The following ATF6 variants were observed in gnomAD, a reference collection of about 807,000 sequenced individuals.
ATF6 encodes activating transcription factor 6, also known as cyclic AMP-dependent transcription factor ATF-6 alpha.
In ATF6, 53 loss-of-function variants were observed where a neutral mutation model predicts 83.6. That is an observed-to-expected ratio of 0.63 (90% CI 0.51 to 0.80). The LOEUF is 0.80. ATF6 is among the 30% of genes least tolerant of loss of function. The probability of loss-of-function intolerance (pLI) is 0.00; values close to 1 mark genes in which losing one functional copy is unlikely to be tolerated. For synonymous variants in ATF6, 288 were observed against 285.8 expected, an observed-to-expected ratio of 1.01 and a Z score of -0.08; for missense variants, 744 against 797.9, an observed-to-expected ratio of 0.93 and a Z score of 0.81.
chr1:161,786,991 T>G (rs1222281026), intron 4 of ATF6, among the ~76,000 whole-genome samples: 1 of 152,238 alleles, frequency 6.6e-6, no homozygotes, highest in African/African-American at 2.4e-5. Flanking sequence ...AGTTAGTTAT[T>G]TTGAAGAGCA....
chr1:161,803,735 A>G (rs1324199271), intron 7 of ATF6, among the ~76,000 whole-genome samples: 8 of 152,244 alleles, frequency 5.3e-5, no homozygotes, highest in Non-Finnish European at 1.0e-4. Context: ...GATATTTTCA[A>G]TTAAAAAGTT....
intron 15 of ATF6, among the ~76,000 whole-genome samples, chr1:161,928,623 T>TG (rs984581853): frequency 1.5e-4 from 13 of 85,744 alleles, no homozygotes; most frequent in Non-Finnish European, 4.4e-4. Flanking sequence ...AAAAGCCTTT[T>TG]TTTTAAAAAA....
intron 9 of ATF6, among the ~76,000 whole-genome samples, chr1:161,832,697 G>A (rs12029558): frequency 0.14 from 21,572 of 152,204 alleles, 2,100 homozygotes; most frequent in East Asian, 0.31. Flanking sequence ...AGGCGGCAGC[G>A]AGGCTGGGGG....
At chr1:161,907,001 T>G (rs1442517935) in intron 14 of ATF6, among the ~76,000 whole-genome samples, 1 of 152,228 alleles carries the variant, frequency 6.6e-6, no homozygotes, top group Non-Finnish European at 1.5e-5. Flanking sequence ...TTTTTTGTAA[T>G]TTTTATTTTC....
intron 9 of ATF6, among the ~76,000 whole-genome samples, chr1:161,828,162 A>G (rs1341897542): frequency 2.6e-5 from 4 of 151,818 alleles, no homozygotes; most frequent in African/African-American, 9.7e-5. Flanking sequence ...CTTTTCTACT[A>G]TGCTGTAAAG....
rs1686677818 is a variant in ATF6 at position 161,853,270 on chromosome 1, A to G, written c.1480A>G (p.Arg494Gly). The G allele has an allele frequency of 1.2e-6, 2 of 1,613,824 alleles. No individual in the cohort carries two copies. Among genetic ancestry groups the G allele is most frequent in the African/African-American group, 1.3e-5 (1 of 74,952 alleles). The change falls in exon 12 of 16, where the codon AGG becomes GGG. Residue 494 changes from arginine (R) to glycine (G), a missense_variant. Arg to Gly is a moderately radical substitution (Grantham distance 125). Coordinates refer to ENST00000367942, the MANE Select transcript of ATF6 (RefSeq NM_007348.4). ...RGWVHRHEVE[R>G]TKSRRMTNNQ... ...ATGGGTTCATAGACATGAAGTAGAAAGGACCAAGTCAAGAAGAATGACAAA... is the reference window on the plus strand; with the variant it reads ...ATGGGTTCATAGACATGAAGTAGAAGGGACCAAGTCAAGAAGAATGACAAA...
chr1:161,858,557 G>A (rs547021985), intron 12 of ATF6, among the ~76,000 whole-genome samples: 2 of 152,178 alleles, frequency 1.3e-5, no homozygotes, highest in African/African-American at 4.8e-5. Flanking sequence ...GATAAAAGGA[G>A]CATACAAGGA....
intron 9 of ATF6, among the ~76,000 whole-genome samples, chr1:161,831,276 A>G (rs1468410895): frequency 6.6e-6 from 1 of 152,248 alleles, no homozygotes. Flanking sequence ...AATGGCAGTC[A>G]TTACAAAGTC....
At chr1:161,947,838 T>TTTTTTTTTTTTG (rs1558036949) in intron 15 of ATF6, among the ~76,000 whole-genome samples, 1 of 80,432 alleles carries the variant, frequency 1.2e-5, no homozygotes, top group African/African-American at 3.9e-5. Flanking sequence ...TTTTTTTTTT[T>TTTTTTTTTTTTG]TTTGAGATGG....
intron 15 of ATF6, among the ~76,000 whole-genome samples, chr1:161,918,374 G>C (rs989933300): frequency 3.2e-4 from 48 of 152,190 alleles, no homozygotes; most frequent in African/African-American, 1.2e-3. Context: ...TTGGACTTCA[G>C]AGTGAATTGA....
At chr1:161,814,009 C>T (rs1369262756) in intron 7 of ATF6, among the ~76,000 whole-genome samples, 5 of 151,678 alleles carry the variant, frequency 3.3e-5, no homozygotes, top group African/African-American at 7.3e-5. Flanking sequence ...CTCAGCCTCC[C>T]GAGTAGCTGG....
intron 9 of ATF6, among the ~76,000 whole-genome samples, chr1:161,828,871 C>G (rs2101796269): frequency 6.6e-6 from 1 of 152,154 alleles, no homozygotes; most frequent in Non-Finnish European, 1.5e-5. Context: ...AAGTGTCCAT[C>G]CTAGAAAAAC....
At chr1:161,943,318 C>A (rs1688688352) in intron 15 of ATF6, among the ~76,000 whole-genome samples, 1 of 152,182 alleles carries the variant, frequency 6.6e-6, no homozygotes, top group African/African-American at 2.4e-5. Context: ...TGTACTAACT[C>A]AGTCCTGCCC....
At chr1:161,880,575 G>A (rs182460989) in intron 14 of ATF6, among the ~76,000 whole-genome samples, 3 of 152,188 alleles carry the variant, frequency 2.0e-5, no homozygotes, top group Admixed American at 2.0e-4. Flanking sequence ...ATTATTTTGA[G>A]ATTAATCCAT....
At chr1:161,769,295 G>T (rs1219317034) in intron 1 of ATF6, among the ~76,000 whole-genome samples, 1 of 152,216 alleles carries the variant, frequency 6.6e-6, no homozygotes, top group East Asian at 1.9e-4. Flanking sequence ...TAATTGAGCA[G>T]ATAGTACAAA....
intron 12 of ATF6, among the ~76,000 whole-genome samples, chr1:161,857,217 TTC>T (rs1686785359): frequency 6.6e-6 from 1 of 152,220 alleles, no homozygotes; most frequent in Admixed American, 6.5e-5. Flanking sequence ...GGTTACCTCT[TTC>T]AGTTGCTAAG....
intron 14 of ATF6, among the ~76,000 whole-genome samples, chr1:161,884,777 A>G (rs1687385896): frequency 6.6e-6 from 1 of 152,184 alleles, no homozygotes. Flanking sequence ...TTGAAAAGCA[A>G]AATCAGAGTA....
chr1:161,806,281 T>G (rs1366402724), intron 7 of ATF6, among the ~76,000 whole-genome samples: 2 of 152,218 alleles, frequency 1.3e-5, no homozygotes, highest in African/African-American at 2.4e-5. Context: ...AACCAAGGGC[T>G]TAAAAACAAG....
intron 12 of ATF6, among the ~76,000 whole-genome samples, chr1:161,859,343 G>C (rs559492333): frequency 6.6e-6 from 1 of 152,186 alleles, no homozygotes; most frequent in South Asian, 2.1e-4. Context: ...AGCGCTTATC[G>C]CATTGTATTG....
Sources: gnomAD v4.1 joint callset for allele counts (sites outside exome capture counted in the v4.1 genomes callset) on GRCh38, gnomAD v4.1.1 for gene constraint, MANE v1.5 for transcripts, NCBI Gene and HGNC (gene_info 2026-07-23, HGNC 2026-07-21) for gene names.